SIRPD: variants seen among roughly 807,000 people sequenced by gnomAD.
The protein encoded by SIRPD is signal-regulatory protein delta.
A neutral mutation model predicts 18.0 loss-of-function variants in SIRPD; 21 were observed. The ratio of observed to expected loss-of-function variants is 1.17; its 90% CI spans 0.83 to 1.68. The LOEUF is 1.68. Among genes scored for constraint, SIRPD ranks in the 40% most tolerant of loss-of-function variants. SIRPD has a pLI of 0.00. For synonymous variants in SIRPD, 106 were observed against 92.9 expected (o/e 1.14, Z -0.81); for missense variants, 295 against 238.4 (o/e 1.24, Z -1.56).
At chr20:1,547,116 C>T (rs2090996948) in intron 2 of SIRPD, among the ~76,000 whole-genome samples, 1 of 152,036 alleles carries the variant, frequency 6.6e-6, no homozygotes, top group African/African-American at 2.4e-5. Flanking sequence ...AAGATTTATC[C>T]CTATGTTTTA....
intron 1 of SIRPD, 51 bp from the exon 2 acceptor site, chr20:1,552,089 A>G: frequency 6.7e-7 from 1 of 1,498,904 alleles, no homozygotes; most frequent in Non-Finnish European, 9.2e-7. Flanking sequence ...TGGCTTAAGC[A>G]TGGGTACGGG....
chr20:1,551,144 T>C (rs758065778), intron 2 of SIRPD, among the ~76,000 whole-genome samples: 9 of 152,190 alleles, frequency 5.9e-5, no homozygotes, highest in East Asian at 3.8e-4. Context: ...AGAGGTGAGA[T>C]TGGAACAAGG....
intron 3 of SIRPD, among the ~76,000 whole-genome samples, chr20:1,536,569 G>A (rs117976266): frequency 0.024 from 3,711 of 152,222 alleles, 73 homozygotes; most frequent in Non-Finnish European, 0.038. Context: ...CATCAAGAAC[G>A]TAATCCTAGG....
At chr20:1,535,720 T>C (rs1272594671) in intron 3 of SIRPD, among the ~76,000 whole-genome samples, 1 of 152,206 alleles carries the variant, frequency 6.6e-6, no homozygotes, top group Non-Finnish European at 1.5e-5. Context: ...TATTCTATTC[T>C]AAGCAACAGA....
intron 2 of SIRPD, among the ~76,000 whole-genome samples, chr20:1,551,063 C>T (rs550906345): frequency 2.0e-5 from 3 of 152,202 alleles, no homozygotes; most frequent in African/African-American, 7.2e-5. Context: ...TTCTTGTAGC[C>T]CTTAGGACAT....
chr20:1,541,230 T>C (rs1600064672), intron 2 of SIRPD, among the ~76,000 whole-genome samples: 1 of 152,218 alleles, frequency 6.6e-6, no homozygotes, highest in Non-Finnish European at 1.5e-5. Flanking sequence ...TCCACAATGG[T>C]TGAAGTAATT....
In SIRPD at chr20:1,551,974, T is replaced by C; in HGVS notation, c.138A>G (p.Ser46=). ...TGGGTACGCTGCAACTCAAGATGAT[T>C]GACTCCCCAGTTGATACAGTCTGTG... ...EMSQTVSTGE[S]IILSCSVPNT... is the part of the protein sequence containing the mutation. Residue 46 remains serine (S), a synonymous_variant, in exon 2 of 4, where the codon TCA becomes TCG. Transcript: ENST00000381623. The C allele has an allele frequency of 6.2e-7, 1 of 1,614,110 alleles. No homozygotes were observed. Among genetic ancestry groups the C allele is most frequent in the East Asian group, 2.2e-5 (1 of 44,886 alleles).
chr20:1,552,976 A>G (rs2091025915), intron 1 of SIRPD, among the ~76,000 whole-genome samples: 1 of 152,198 alleles, frequency 6.6e-6, no homozygotes, highest in Admixed American at 6.5e-5. Context: ...GGGACACCTA[A>G]TACCACTGTA....
At chr20:1,548,419 CA>C (rs1468895264) in intron 2 of SIRPD, among the ~76,000 whole-genome samples, 1 of 151,958 alleles carries the variant, frequency 6.6e-6, no homozygotes, top group East Asian at 1.9e-4. Flanking sequence ...AATTAATTGA[CA>C]TTCAGATATT....
At chr20:1,557,282 A>G (rs2091045591) in intron 1 of SIRPD, among the ~76,000 whole-genome samples, 1 of 151,424 alleles carries the variant, frequency 6.6e-6, no homozygotes, top group Non-Finnish European at 1.5e-5. Context: ...AAAATAAAAT[A>G]AAATAAATTA....
At chr20:1,541,844 G>C (rs2090972765) in intron 2 of SIRPD, among the ~76,000 whole-genome samples, 1 of 152,144 alleles carries the variant, frequency 6.6e-6, no homozygotes, top group Non-Finnish European at 1.5e-5. Flanking sequence ...TCCAGTTTTA[G>C]TTTTCTGCAT....
chr20:1,549,366 AT>A (rs1403076867), intron 2 of SIRPD, among the ~76,000 whole-genome samples: 5 of 121,764 alleles, frequency 4.1e-5, no homozygotes, highest in African/African-American at 2.0e-4. Flanking sequence ...GCAGTTTCTG[AT>A]ACCTTTTTTT....
intron 1 of SIRPD, among the ~76,000 whole-genome samples, chr20:1,552,440 G>A (rs1362488729): frequency 6.6e-6 from 1 of 152,126 alleles, no homozygotes; most frequent in East Asian, 1.9e-4. Context: ...GTTTGGGGTT[G>A]GCCTTCCTCT....
At chr20:1,549,953 C>T (rs570186486) in intron 2 of SIRPD, among the ~76,000 whole-genome samples, 1 of 152,292 alleles carries the variant, frequency 6.6e-6, no homozygotes, top group South Asian at 2.1e-4. Context: ...ATTTCTGACT[C>T]AGAACATTTG....
chr20:1,535,802 T>A (rs1265511914), intron 3 of SIRPD, among the ~76,000 whole-genome samples: 2 of 152,254 alleles, frequency 1.3e-5, no homozygotes, highest in Non-Finnish European at 2.9e-5. Context: ...ATCTATGTAA[T>A]GTATACAATG....
At chr20:1,542,572 T>C (rs906573804) in intron 2 of SIRPD, among the ~76,000 whole-genome samples, 2 of 152,236 alleles carry the variant, frequency 1.3e-5, no homozygotes, top group Non-Finnish European at 2.9e-5. Flanking sequence ...TATACAATCA[T>C]GTCATCTGTA....
At chr20:1,550,164 A>G (rs553637237) in intron 2 of SIRPD, among the ~76,000 whole-genome samples, 2 of 152,318 alleles carry the variant, frequency 1.3e-5, no homozygotes, top group South Asian at 2.1e-4. Context: ...CAGAGGCTCA[A>G]CTTCCTCATC....
intron 2 of SIRPD, among the ~76,000 whole-genome samples, chr20:1,538,179 C>A (rs547208482): frequency 6.6e-6 from 1 of 152,162 alleles, no homozygotes; most frequent in African/African-American, 2.4e-5. Flanking sequence ...CCACTGCTCC[C>A]CACCCCTGCC....
Position 1,557,677 on chromosome 20 carries a change from C to T in SIRPD, c.-24G>A, listed in dbSNP as rs747181792. On this transcript the variant is annotated 5_prime_UTR_variant, in exon 1 of 4. Coordinates refer to ENST00000381623, the MANE Select transcript of SIRPD (RefSeq NM_178460.3). ...ATTGTGGTGAAACCTGGAGCTTGCTCTGCCTGAATGCCTGTCCTGGAGATG... is the reference window on the plus strand; with the variant it reads ...ATTGTGGTGAAACCTGGAGCTTGCTTTGCCTGAATGCCTGTCCTGGAGATG... 5.6e-6 allele frequency: 9 copies of T among 1,609,780 alleles called. No homozygotes were observed. Among genetic ancestry groups the T allele is most frequent in the Non-Finnish European group, 6.8e-6 (8 of 1,177,868 alleles).
Sources: gnomAD v4.1 joint callset for allele counts (sites outside exome capture counted in the v4.1 genomes callset) on GRCh38, gnomAD v4.1.1 for gene constraint, MANE v1.5 for transcripts, NCBI Gene and HGNC (gene_info 2026-07-23, HGNC 2026-07-21) for gene names.